Variants in CPLX3 observed in about 807,000 individuals in gnomAD.
CPLX3 encodes complexin 3, also known as complexin-3.
Under a neutral mutation model 17.2 loss-of-function variants are expected in CPLX3, and 12 were observed. That is an observed-to-expected ratio of 0.70 (90% CI 0.45 to 1.13). The LOEUF is 1.13. Ranked by LOEUF, CPLX3 falls within the 50% of genes most tolerant of loss-of-function variation. The probability of loss-of-function intolerance (pLI) is 0.00; values close to 1 mark genes in which losing one functional copy is unlikely to be tolerated. For missense variants in CPLX3, 172 were observed against 203.2 expected, an observed-to-expected ratio of 0.85 and a Z score of 0.93; for synonymous variants, 75 against 79.4, an observed-to-expected ratio of 0.94 and a Z score of 0.29.
Position 74,830,205 on chromosome 15 carries a change from G to A in CPLX3, c.328G>A (p.Glu110Lys), listed in dbSNP as rs751283611. ...ELPRELAKMI[E>K]EDTEEEEEKA... ...GCCCCGGGAGCTGGCCAAGATGATC[G>A]AGGAGGACACAGAGGAGGAGGAGGA... is the stretch of plus-strand genomic sequence containing the variant. Residue 110 changes from glutamate (E) to lysine (K), a missense_variant, in exon 3 of 3, where the codon GAG (glutamate) becomes AAG (lysine). Physicochemically the swap from Glu to Lys is moderately conservative, Grantham distance 56. Coordinates refer to ENST00000395018, the MANE Select transcript of CPLX3 (RefSeq NM_001030005.3). 1.5e-5 allele frequency: 24 copies of A among 1,613,828 alleles called. No individual in the cohort carries two copies. The highest frequency in any genetic ancestry group is 1.7e-4 in the Middle Eastern group (1 of 5,962).
At chr15:74,829,161 A>G (rs1305080548) in intron 2 of CPLX3, among the ~76,000 whole-genome samples, 1 of 152,236 alleles carries the variant, frequency 6.6e-6, no homozygotes. Context: ...AAACCGGTCC[A>G]GAAAGCCTGC....
At position 74,831,330 on chromosome 15, in the gene CPLX3, G is replaced by T. The variant is rs1950938183; in HGVS notation, c.*976G>T. On this transcript the variant is annotated 3_prime_UTR_variant, in exon 3 of 3. Coordinates refer to ENST00000395018, the MANE Select transcript of CPLX3 (RefSeq NM_001030005.3). Reference sequence around the variant, plus strand: ...GGGTGTCCTCCACCCCCCACCTACAGCTTCACAGGAGGGGAGAAGGCATCC... The same window carrying T: ...GGGTGTCCTCCACCCCCCACCTACATCTTCACAGGAGGGGAGAAGGCATCC... 6.6e-6 allele frequency: 1 copy of T among 152,310 alleles called. No homozygotes were observed. The highest frequency in any genetic ancestry group is 1.5e-5 in the Non-Finnish European group (1 of 68,106). The allele number at this position is 152,310 out of a possible 1,614,324, so 9.4% of individuals were successfully genotyped here.
rs2063967935 is a variant in CPLX3 at position 74,831,265 on chromosome 15, G to T, written c.*911G>T. On this transcript the variant is annotated 3_prime_UTR_variant, in exon 3 of 3. Transcript: ENST00000395018. ...CCTTCCCACTTCTTACTGGCTTCCA[G>T]GAGTCTTGGAGTTCATAGCCCCCCG... 6.6e-6 allele frequency: 1 copy of T among 152,298 alleles called. No homozygotes were observed. The highest frequency in any genetic ancestry group is 2.1e-4 in the South Asian group (1 of 4,826). 9.4% of individuals were successfully genotyped at this position (152,298 alleles called of 1,614,324 possible).
rs370055180 is a variant in CPLX3, at chr15:74,826,853, A to C, written c.150A>C (p.Gln50His). Residue 50 changes from glutamine (Q) to histidine (H), a missense_variant, in exon 1 of 3, where the codon CAA becomes CAC. Gln to His is a conservative substitution (Grantham distance 24). Transcript: ENST00000395018. This position sits in a 1 kb window ranked among gnomAD's most constrained non-coding sequence, Gnocchi z 5.0. ...AGGAGTACGAGGAGTATCAGAAGCA[A>C]CTCGTGGAAGAGAAGTGAGTGGGAT... ...SREEYEEYQK[Q>H]LVEEKMERDA... is the part of the protein sequence containing the mutation. 5 of 1,598,912 alleles carry C rather than the reference A, an allele frequency of 3.1e-6. No individual in the cohort carries two copies. The highest frequency in any genetic ancestry group is 4.3e-6 in the Non-Finnish European group (5 of 1,172,882).
At position 74,831,744 on chromosome 15, in the gene CPLX3, C is replaced by A. The variant is rs1341940541; in HGVS notation, c.*1390C>A. On this transcript the variant is annotated 3_prime_UTR_variant, in exon 3 of 3. Transcript: ENST00000395018. The stretch of plus-strand genomic sequence containing the variant: ...TAATAATACATGTTTCAAAGGGTGA[C>A]CATTTATAAAGCATATGACAAACCA... The A allele has an allele frequency of 6.6e-6, 1 of 152,206 alleles. No homozygotes were observed. Among genetic ancestry groups the A allele is most frequent in the African/African-American group, 2.4e-5 (1 of 41,440 alleles). The allele number at this position is 152,206 out of a possible 1,614,324, so 9.4% of individuals were successfully genotyped here. A position where few individuals can be genotyped will look rare whatever the true frequency, so the allele number is the denominator to read the frequency against.
chr15:74,826,821 A>C lies in CPLX3; in HGVS notation c.118A>C (p.Ser40Arg). The C allele has an allele frequency of 6.2e-7, 1 of 1,604,448 alleles. No individual in the cohort carries two copies. The highest frequency in any genetic ancestry group is 8.5e-7 in the Non-Finnish European group (1 of 1,175,446). Residue 40 changes from serine to arginine, a missense_variant, in exon 1 of 3, where the codon AGC (serine) becomes CGC (arginine). Transcript: ENST00000395018. This position sits in a 1 kb window ranked among gnomAD's most constrained non-coding sequence, Gnocchi z 5.0. ...GTCGGCAGCCGAAGCTCAGGGCATG[A>C]GCCGGGAGGAGTACGAGGAGTATCA... ...DKSAAEAQGM[S>R]REEYEEYQKQ...
At chr15:74,829,955 A>G (rs2063960867) in intron 2 of CPLX3, among the ~76,000 whole-genome samples, 175 bp from the exon 3 acceptor site, 1 of 150,428 alleles carries the variant, frequency 6.6e-6, no homozygotes, top group Non-Finnish European at 1.5e-5. Flanking sequence ...TGAGCCCAGG[A>G]GTTTGAGACC....
Position 74,826,799 on chromosome 15 carries a change from G to A in CPLX3, c.96G>A (p.Ser32=), listed in dbSNP as rs1596381978. 2 of 1,603,952 alleles carry A rather than the reference G, an allele frequency of 1.2e-6. No homozygotes were observed. The highest frequency in any genetic ancestry group is 1.4e-5 in the African/African-American group (1 of 73,750). ...GGEDKGDGDK[S]AAEAQGMSRE... is the part of the protein sequence containing the mutation. ...AGGATAAGGGAGATGGGGACAAGTCGGCAGCCGAAGCTCAGGGCATGAGCC... is the reference window on the plus strand; with the variant it reads ...AGGATAAGGGAGATGGGGACAAGTCAGCAGCCGAAGCTCAGGGCATGAGCC... The change falls in exon 1 of 3, where the codon TCG becomes TCA. Residue 32 remains serine (S), a synonymous_variant. Transcript: ENST00000395018. This position sits in a 1 kb window ranked among gnomAD's most constrained non-coding sequence, Gnocchi z 5.0.
chr15:74,828,003 C>T (rs747785649), intron 1 of CPLX3, 31 bp from the exon 2 acceptor site: 21 of 1,564,330 alleles, frequency 1.3e-5, no homozygotes, highest in African/African-American at 2.7e-5. Context: ...TCTCAGCCCT[C>T]GTGGTGACTC....
At chr15:74,827,629 G>A (rs1474687789) in intron 1 of CPLX3, among the ~76,000 whole-genome samples, 3 of 152,232 alleles carry the variant, frequency 2.0e-5, no homozygotes, top group Non-Finnish European at 2.9e-5. Context: ...TTTTACAGAA[G>A]AGGAAGGTAA....
At position 74,828,069 on chromosome 15, in the gene CPLX3, C is replaced by T. The variant is rs1458624225; in HGVS notation, c.200C>T (p.Ala67Val). The T allele has an allele frequency of 1.2e-6, 2 of 1,607,672 alleles. No individual in the cohort carries two copies. The highest frequency in any genetic ancestry group is 2.7e-5 in the African/African-American group (2 of 74,798). The stretch of plus-strand genomic sequence containing the variant: ...GATGCACAGTTCACACAGAGGAAGG[C>T]AGAGCGGGCCACACTGCGGAGCCAC... ...ERDAQFTQRK[A>V]ERATLRSHFR... The change falls in exon 2 of 3, where the codon GCA (alanine) becomes GTA (valine). Residue 67 changes from alanine (A) to valine (V), a missense_variant. Coordinates refer to ENST00000395018, the MANE Select transcript of CPLX3 (RefSeq NM_001030005.3).
chr15:74,827,749 A>C (rs112839086), intron 1 of CPLX3, among the ~76,000 whole-genome samples: 44 of 152,348 alleles, frequency 2.9e-4, no homozygotes, highest in African/African-American at 9.6e-4. Context: ...AGGGAACAGC[A>C]GACCAAGTTG....
chr15:74,829,743 G>A (rs2063959638), intron 2 of CPLX3, among the ~76,000 whole-genome samples: 1 of 152,138 alleles, frequency 6.6e-6, no homozygotes, highest in African/African-American at 2.4e-5. Flanking sequence ...TTTACTCACT[G>A]TGCTGGTCCT....
In CPLX3 at chr15:74,826,697, G is replaced by A. The variant is rs1596381929; in HGVS notation, c.-7G>A. The A allele has an allele frequency of 1.2e-6, 2 of 1,603,342 alleles. No individual in the cohort carries two copies. Among genetic ancestry groups the A allele is most frequent in the South Asian group, 2.2e-5 (2 of 90,600 alleles). On this transcript the variant is annotated 5_prime_UTR_variant, in exon 1 of 3. Coordinates refer to ENST00000395018, the MANE Select transcript of CPLX3 (RefSeq NM_001030005.3). This position sits in a 1 kb window ranked among gnomAD's most constrained non-coding sequence, Gnocchi z 5.0. ...GCAGGCGCCCGGTGCCCCGGCCGGC[G>A]AAGACCATGGCGTTCATGGTGAAGA...
rs144213956 is a variant in CPLX3, at chr15:74,830,185, G to T, written c.308G>T (p.Arg103Leu). The T allele has an allele frequency of 6.2e-7, 1 of 1,613,858 alleles. No individual in the cohort carries two copies. The highest frequency in any genetic ancestry group is 2.2e-5 in the East Asian group (1 of 44,858). ...GCAGGTGGAGACGTGGAGCTGCCCC[G>T]GGAGCTGGCCAAGATGATCGAGGAG... is the stretch of plus-strand genomic sequence containing the variant. ...QMAGGDVELP[R>L]ELAKMIEEDT... Residue 103 changes from arginine to leucine, a missense_variant, in exon 3 of 3, where the codon CGG (arginine) becomes CTG (leucine). Physicochemically the swap from Arg to Leu is moderately radical, Grantham distance 102. Coordinates refer to ENST00000395018, the MANE Select transcript of CPLX3 (RefSeq NM_001030005.3).
At chr15:74,828,984 G>A (rs1216068598) in intron 2 of CPLX3, among the ~76,000 whole-genome samples, 3 of 152,136 alleles carry the variant, frequency 2.0e-5, no homozygotes, top group Non-Finnish European at 4.4e-5. Context: ...CTGGACTCAG[G>A]GGAAAACAGC....
chr15:74,828,895 G>T (rs932632248), intron 2 of CPLX3, among the ~76,000 whole-genome samples: 3 of 152,142 alleles, frequency 2.0e-5, no homozygotes, highest in African/African-American at 7.2e-5. Flanking sequence ...GCGTGTAAGT[G>T]TGCTGCTCCT....
At position 74,830,403 on chromosome 15, in the gene CPLX3, A is replaced by T; in HGVS notation, c.*49A>T. 2.0e-6 allele frequency: 3 copies of T among 1,486,750 alleles called. No individual in the cohort carries two copies. Among genetic ancestry groups the T allele is most frequent in the South Asian group, 1.2e-5 (1 of 84,718 alleles). The allele number at this position is 1,486,750 out of a possible 1,614,324, so 92.1% of individuals were successfully genotyped here. A position where few individuals can be genotyped will look rare whatever the true frequency, so the allele number is the denominator to read the frequency against. ...GGGCTGGGCCCCCATGAGGGCTAAG[A>T]GTGTGTCAACTTCCAGGGACCCATA... On this transcript the variant is annotated 3_prime_UTR_variant, in exon 3 of 3. Coordinates refer to ENST00000395018, the MANE Select transcript of CPLX3 (RefSeq NM_001030005.3).
intron 1 of CPLX3, among the ~76,000 whole-genome samples, chr15:74,827,803 G>C (rs1433472302): frequency 2.6e-5 from 4 of 152,230 alleles, no homozygotes; most frequent in Non-Finnish European, 4.4e-5. Context: ...GAGAGAGCCA[G>C]ACAGACTGCC....
Sources: gnomAD v4.1 joint callset for allele counts (sites outside exome capture counted in the v4.1 genomes callset) on GRCh38, gnomAD v4.1.1 for gene constraint, Gnocchi (gnomAD v3.1) non-coding constraint, MANE v1.5 for transcripts, NCBI Gene and HGNC (gene_info 2026-07-23, HGNC 2026-07-21) for gene names.